Variants in ADGRE3 observed in about 807,000 individuals in gnomAD.
ADGRE3 encodes EGF-like module receptor 3.
Under a neutral mutation model 80.1 loss-of-function variants are expected in ADGRE3, and 88 were observed. The observed-to-expected ratio is 1.10, with a 90% confidence interval of 0.93 to 1.31. ADGRE3 has a LOEUF of 1.31. Among genes scored for constraint, ADGRE3 ranks in the 40% most tolerant of loss-of-function variants. ADGRE3 has a pLI of 0.00. For synonymous variants in ADGRE3, 281 were observed against 294.8 expected (o/e 0.95, Z 0.48); for missense variants, 715 against 776.5 (o/e 0.92, Z 0.94).
intron 2 of ADGRE3, 78 bp downstream of exon 2, chr19:14,668,724 C>T: frequency 2.4e-6 from 3 of 1,231,422 alleles, no homozygotes; most frequent in Non-Finnish European, 3.5e-6. Flanking sequence ...CACTTTTCTC[C>T]AGCCCACTGG....
chr19:14,635,899 C>T (rs144494169), intron 11 of ADGRE3, among the ~76,000 whole-genome samples: 61 of 152,214 alleles, frequency 4.0e-4, no homozygotes, highest in Middle Eastern at 6.8e-3. Context: ...CCTAACTTGT[C>T]CTTCCCCTTT....
chr19:14,613,372 C>G, the ADGRE3 span, among the ~76,000 whole-genome samples: 1 of 151,460 alleles, frequency 6.6e-6, no homozygotes, highest in African/African-American at 2.4e-5. Flanking sequence ...CAGGTGTGCC[C>G]CCACCACACC....
chr19:14,643,715 AT>A (rs796169416), intron 9 of ADGRE3, among the ~76,000 whole-genome samples: 317 of 143,092 alleles, frequency 2.2e-3, no homozygotes, highest in African/African-American at 4.0e-3. Context: ...CCACATGTTG[AT>A]TTTTTTTTTT....
chr19:14,638,342 T>TG lies in ADGRE3; in HGVS notation c.1249-3dup. ...ACCGGCGATGATGGAGCACAGCACC[T>TG]GGGGGAGGAGAAAGGGATGCCTGAA... On this transcript the variant is annotated splice_polypyrimidine_tract_variant and splice_region_variant and intron_variant, in intron 10 of 15. Coordinates refer to ENST00000253673, the MANE Select transcript of ADGRE3 (RefSeq NM_032571.5). The TG allele has an allele frequency of 1.2e-6, 2 of 1,612,486 alleles. No individual in the cohort carries two copies. The highest frequency in any genetic ancestry group is 1.7e-6 in the Non-Finnish European group (2 of 1,178,624).
At chr19:14,672,182 A>C (rs1972275556) in intron 1 of ADGRE3, among the ~76,000 whole-genome samples, 1 of 152,090 alleles carries the variant, frequency 6.6e-6, no homozygotes, top group African/African-American at 2.4e-5. Context: ...AGTCTGGGGG[A>C]CCATCATGTT....
chr19:14,667,408 C>T (rs562795516), intron 2 of ADGRE3, among the ~76,000 whole-genome samples: 47 of 151,418 alleles, frequency 3.1e-4, no homozygotes, highest in Admixed American at 3.1e-3. Flanking sequence ...TAGTGCAGCA[C>T]TATTCACAAT....
chr19:14,635,181 T>C (rs994044796), intron 11 of ADGRE3, among the ~76,000 whole-genome samples: 1 of 152,164 alleles, frequency 6.6e-6, no homozygotes, highest in Non-Finnish European at 1.5e-5. Context: ...ACTGCAACCT[T>C]GAACTCCTGT....
intron 11 of ADGRE3, among the ~76,000 whole-genome samples, chr19:14,634,493 T>G (rs918346958): frequency 6.6e-5 from 10 of 152,136 alleles, no homozygotes; most frequent in Admixed American, 5.2e-4. Flanking sequence ...ACCAGATTTT[T>G]GGGGTTTTTA....
At chr19:14,654,381 G>GCCTC (rs1264043813) in intron 6 of ADGRE3, among the ~76,000 whole-genome samples, 2 of 151,434 alleles carry the variant, frequency 1.3e-5, no homozygotes, top group Non-Finnish European at 1.5e-5. Context: ...CTCTCCCTCA[G>GCCTC]CCTCCCAAGT....
chr19:14,656,625 G>A (rs1320708143), intron 5 of ADGRE3, among the ~76,000 whole-genome samples: 5 of 152,104 alleles, frequency 3.3e-5, no homozygotes, highest in Non-Finnish European at 5.9e-5. Context: ...GCTCCTTACT[G>A]TACACGTGAC....
At chr19:14,616,305 G>T (rs1259011407), downstream of ADGRE3, among the ~76,000 whole-genome samples, 1 of 151,982 alleles carries the variant, frequency 6.6e-6, no homozygotes, top group Non-Finnish European at 1.5e-5. Flanking sequence ...GGTGTTTCCT[G>T]GGATCATCTC....
At chr19:14,648,221 G>T (rs1011873637) in intron 7 of ADGRE3, among the ~76,000 whole-genome samples, 3 of 152,048 alleles carry the variant, frequency 2.0e-5, no homozygotes, top group African/African-American at 7.2e-5. Context: ...GGTACGGTGG[G>T]CACCCTGGCT....
intron 4 of ADGRE3, among the ~76,000 whole-genome samples, chr19:14,658,923 T>C (rs976680325): frequency 2.6e-5 from 4 of 151,874 alleles, no homozygotes; most frequent in Admixed American, 2.6e-4. Context: ...TTAGTAGAGA[T>C]GGGGTTTCAC....
At chr19:14,628,585 G>A (rs1599606797) in intron 14 of ADGRE3, 1 of 214,426 alleles carries the variant, frequency 4.7e-6, no homozygotes, top group East Asian at 1.3e-4. Flanking sequence ...ATGAGTCACT[G>A]TGCCTGGCCC....
At chr19:14,655,687 C>T (rs1014524379) in intron 5 of ADGRE3, among the ~76,000 whole-genome samples, 2 of 151,632 alleles carry the variant, frequency 1.3e-5, no homozygotes, top group African/African-American at 4.9e-5. Context: ...GTCTGGAACT[C>T]CTGGGCTCAA....
At chr19:14,637,135 C>T (rs1474725122) in intron 11 of ADGRE3, among the ~76,000 whole-genome samples, 1 of 152,024 alleles carries the variant, frequency 6.6e-6, no homozygotes, top group African/African-American at 2.4e-5. Context: ...TAAGTTTCCC[C>T]TTGAGATATT....
chr19:14,641,500 G>A lies in ADGRE3; in HGVS notation c.1167C>T (p.Thr389=). 10 of 1,613,750 alleles carry A rather than the reference G, an allele frequency of 6.2e-6. No homozygotes were observed. Among genetic ancestry groups the A allele is most frequent in the Non-Finnish European group, 8.5e-6 (10 of 1,179,684 alleles). ...LLCKAIRNTS[T]SLHLQLSLCL... is the part of the protein sequence containing the mutation. Reference sequence around the variant, plus strand: ...AGAGCGAGAGCTGCAGATGCAGTGAGGTGCTGGTGTTCCGGATGGCTTTAC... The same window carrying A: ...AGAGCGAGAGCTGCAGATGCAGTGAAGTGCTGGTGTTCCGGATGGCTTTAC... The change falls in exon 10 of 16, where the codon ACC becomes ACT. Residue 389 remains threonine (T), a synonymous_variant. Transcript: ENST00000253673.
In ADGRE3 at chr19:14,644,124, A is replaced by C. The variant is rs772955743; in HGVS notation, c.1034T>G (p.Met345Arg). Residue 345 changes from methionine to arginine, a missense_variant, in exon 9 of 16, where the codon ATG (methionine) becomes AGG (arginine). Physicochemically the swap from Met to Arg is moderately conservative, Grantham distance 91. Coordinates refer to ENST00000253673, the MANE Select transcript of ADGRE3 (RefSeq NM_032571.5). ...CSHLSSFAVL[M>R]ALTSQEEDPV... The stretch of plus-strand genomic sequence containing the variant: ...ACATCATACCTGGCTGGTCAGGGCC[A>C]TCAGGACAGCGAAGCTGGACAGGTG... 91 of 1,558,736 alleles carry C rather than the reference A, an allele frequency of 5.8e-5. No homozygotes were observed. The highest frequency in any genetic ancestry group is 7.6e-5 in the Non-Finnish European group (88 of 1,153,008).
At chr19:14,604,433 A>G in the ADGRE3 span, among the ~76,000 whole-genome samples, 1 of 152,104 alleles carries the variant, frequency 6.6e-6, no homozygotes, top group East Asian at 1.9e-4. Context: ...ATAACGACAG[A>G]AATATTTTCT....
Sources: allele counts gnomAD v4.1 joint callset (sites outside exome capture counted in the v4.1 genomes callset), GRCh38; gene constraint gnomAD v4.1.1; transcripts MANE v1.5; gene names NCBI Gene and HGNC (gene_info 2026-07-23, HGNC 2026-07-21).